Variants in ZCCHC17 observed in about 807,000 individuals in gnomAD.
ZCCHC17 encodes the protein zinc finger CCHC domain-containing protein 17.
In ZCCHC17, 18 loss-of-function variants were observed where a neutral mutation model predicts 30.6. The ratio of observed to expected loss-of-function variants is 0.59; its 90% CI spans 0.41 to 0.87. ZCCHC17 has a LOEUF of 0.87. Ranked by LOEUF, ZCCHC17 falls within the 40% of genes least tolerant of loss-of-function variation. The pLI is 0.00. For missense variants in ZCCHC17, 263 were observed against 284.2 expected, an observed-to-expected ratio of 0.93 and a Z score of 0.54; for synonymous variants, 88 against 92.4, an observed-to-expected ratio of 0.95 and a Z score of 0.27.
At chr1:31,302,237 GA>G (rs1215943323) in intron 1 of ZCCHC17, among the ~76,000 whole-genome samples, 2 of 151,968 alleles carry the variant, frequency 1.3e-5, no homozygotes, top group East Asian at 3.9e-4. Context: ...TAAAAAAAAA[GA>G]AAAAAGAAGT....
chr1:31,344,652 A>C (rs12565127), intron 5 of ZCCHC17, among the ~76,000 whole-genome samples: 30,428 of 152,112 alleles, frequency 0.2, 3,679 homozygotes, highest in East Asian at 0.46. Flanking sequence ...ACATTTGTTG[A>C]ATTGAGTGTT....
At chr1:31,329,038 G>T (rs1202165955) in intron 3 of ZCCHC17, among the ~76,000 whole-genome samples, 1 of 152,100 alleles carries the variant, frequency 6.6e-6, no homozygotes, top group Non-Finnish European at 1.5e-5. Context: ...TGATCGCTTG[G>T]TCTTTCTGGT....
At chr1:31,329,458 C>T (rs1638492696) in intron 3 of ZCCHC17, among the ~76,000 whole-genome samples, 1 of 152,094 alleles carries the variant, frequency 6.6e-6, no homozygotes, top group Admixed American at 6.6e-5. Context: ...ATGATAGAAG[C>T]TCAAATATAT....
intron 1 of ZCCHC17, among the ~76,000 whole-genome samples, chr1:31,300,979 G>T (rs1281330595): frequency 6.6e-6 from 1 of 151,724 alleles, no homozygotes; most frequent in Non-Finnish European, 1.5e-5. Flanking sequence ...GCAAGTGTGT[G>T]TGGCCCTTGG....
At chr1:31,299,363 T>G (rs1040335968) in intron 1 of ZCCHC17, among the ~76,000 whole-genome samples, 4 of 152,236 alleles carry the variant, frequency 2.6e-5, no homozygotes, top group African/African-American at 9.6e-5. Flanking sequence ...TCCAGCGGTT[T>G]AGTGCATGCA....
At chr1:31,323,390 C>T (rs1172194698) in intron 3 of ZCCHC17, among the ~76,000 whole-genome samples, 1 of 151,952 alleles carries the variant, frequency 6.6e-6, no homozygotes, top group Non-Finnish European at 1.5e-5. Flanking sequence ...GGCACAATCT[C>T]GGCTTACTGC....
intron 7 of ZCCHC17, among the ~76,000 whole-genome samples, chr1:31,361,355 C>G (rs192678480): frequency 2.6e-5 from 4 of 152,354 alleles, no homozygotes; most frequent in Admixed American, 6.5e-5. Context: ...ATACATATAG[C>G]TCCCACTAAG....
At chr1:31,298,396 T>G (rs1252865368) in intron 1 of ZCCHC17, among the ~76,000 whole-genome samples, 1 of 151,862 alleles carries the variant, frequency 6.6e-6, no homozygotes, top group Admixed American at 6.6e-5. Context: ...TGTTTTTTTT[T>G]TTTTTTTGAG....
chr1:31,328,159 C>A (rs1638431815), intron 3 of ZCCHC17, among the ~76,000 whole-genome samples: 1 of 152,156 alleles, frequency 6.6e-6, no homozygotes, highest in Admixed American at 6.5e-5. Context: ...TGTGTGATAA[C>A]TGTTCTTACA....
At chr1:31,324,298 C>A (rs557729510) in intron 3 of ZCCHC17, among the ~76,000 whole-genome samples, 1 of 152,172 alleles carries the variant, frequency 6.6e-6, no homozygotes, top group African/African-American at 2.4e-5. Flanking sequence ...CATAGCAAGA[C>A]CCCACTGATG....
At chr1:31,360,120 C>G (rs1423342337) in intron 7 of ZCCHC17, among the ~76,000 whole-genome samples, 1 of 152,078 alleles carries the variant, frequency 6.6e-6, no homozygotes, top group East Asian at 1.9e-4. Context: ...GCTGGGATTA[C>G]AGGCATGTGC....
chr1:31,339,185 T>C (rs1486287819), intron 5 of ZCCHC17, 137 bp downstream of exon 5: 2 of 676,102 alleles, frequency 3.0e-6, no homozygotes, highest in African/African-American at 3.6e-5. Context: ...TTTGCAATCT[T>C]TGGTTTTTAG....
At chr1:31,298,796 T>A (rs2148398672) in intron 1 of ZCCHC17, among the ~76,000 whole-genome samples, 1 of 152,326 alleles carries the variant, frequency 6.6e-6, no homozygotes, top group East Asian at 1.9e-4. Flanking sequence ...GTTGGGAATA[T>A]AAAATTGGGC....
chr1:31,302,921 G>A (rs2148404431), intron 1 of ZCCHC17, among the ~76,000 whole-genome samples: 1 of 152,308 alleles, frequency 6.6e-6, no homozygotes, highest in East Asian at 1.9e-4. Context: ...ATGAAATTTG[G>A]GTGAGGACAC....
At position 31,364,465 on chromosome 1, in the gene ZCCHC17, G is replaced by T; in HGVS notation, c.*272G>T. On this transcript the variant is annotated 3_prime_UTR_variant, in exon 8 of 8. Transcript: ENST00000344147. ...TCATTCACCCAACTTCCTTCATTCA[G>T]CAGGAGGTCCTATTACCCTCTCCAG... is the stretch of plus-strand genomic sequence containing the variant. The T allele has an allele frequency of 2.0e-6, 1 of 501,734 alleles. No individual in the cohort carries two copies. 31.1% of individuals were successfully genotyped at this position (501,734 alleles called of 1,614,324 possible).
At chr1:31,329,855 A>G (rs75892966) in intron 3 of ZCCHC17, among the ~76,000 whole-genome samples, 1 of 152,194 alleles carries the variant, frequency 6.6e-6, no homozygotes, top group African/African-American at 2.4e-5. Context: ...TGCATATTTT[A>G]GGGTCTTGAG....
intron 3 of ZCCHC17, among the ~76,000 whole-genome samples, chr1:31,327,384 G>A (rs995990069): frequency 2.6e-5 from 4 of 152,236 alleles, no homozygotes; most frequent in African/African-American, 9.6e-5. Context: ...GACTTTGCCA[G>A]AATGGCTTAC....
intron 3 of ZCCHC17, among the ~76,000 whole-genome samples, chr1:31,332,129 T>C (rs1638618798): frequency 6.6e-6 from 1 of 152,226 alleles, no homozygotes; most frequent in African/African-American, 2.4e-5. Context: ...AAAGTATATC[T>C]TGTATTGTAA....
chr1:31,313,853 T>A (rs1225899806), intron 2 of ZCCHC17, among the ~76,000 whole-genome samples: 4 of 150,032 alleles, frequency 2.7e-5, no homozygotes, highest in African/African-American at 1.0e-4. Context: ...TTCTTTTCTC[T>A]TCTCTTCTCT....
Sources: allele counts gnomAD v4.1 joint callset (sites outside exome capture counted in the v4.1 genomes callset), GRCh38; gene constraint gnomAD v4.1.1; transcripts MANE v1.5; gene names NCBI Gene and HGNC (gene_info 2026-07-23, HGNC 2026-07-21).